POLR3E: variants seen among roughly 807,000 people sequenced by gnomAD.
POLR3E encodes DNA-directed RNA polymerase III subunit RPC5.
Under a neutral mutation model 96.6 loss-of-function variants are expected in POLR3E, and 41 were observed. The ratio of observed to expected loss-of-function variants is 0.42; its 90% CI spans 0.33 to 0.55. POLR3E has a LOEUF of 0.55. POLR3E is among the 20% of genes least tolerant of loss of function. The pLI is 0.06. For synonymous variants in POLR3E, 396 were observed against 383.6 expected, an observed-to-expected ratio of 1.03 and a Z score of -0.38; for missense variants, 849 against 952.1, an observed-to-expected ratio of 0.89 and a Z score of 1.43.
rs2047917532 is a variant in POLR3E, at chr16:22,297,557, T to G, written c.-39+20T>G. 6.6e-6 allele frequency: 1 copy of G among 152,412 alleles called. No individual in the cohort carries two copies. Among genetic ancestry groups the G allele is most frequent in the Non-Finnish European group, 1.5e-5 (1 of 68,190 alleles). The allele number at this position is 152,412 out of a possible 1,614,324, so 9.4% of individuals were successfully genotyped here. ...GGAGAGGTGAGTCCCGTCTTGGCAG[T>G]GCCCGAGCTGGGGCTTGAGCCGGAC... On this transcript the variant is annotated intron_variant, in intron 1 of 20. Coordinates refer to ENST00000299853, the MANE Select transcript of POLR3E (RefSeq NM_018119.4).
intron 19 of POLR3E, chr16:22,331,798 T>C (rs1335520134): frequency 1.3e-5 from 4 of 318,728 alleles, no homozygotes; most frequent in South Asian, 1.1e-4. Flanking sequence ...TCTTTTGTTA[T>C]GCTGGCATAT....
chr16:22,330,281 C>T (rs1387578280), intron 19 of POLR3E, among the ~76,000 whole-genome samples: 1 of 151,954 alleles, frequency 6.6e-6, no homozygotes, highest in Non-Finnish European at 1.5e-5. Flanking sequence ...GGGGTGGTCC[C>T]ACCATGTTGG....
At position 22,299,564 on chromosome 16, in the gene POLR3E, T is replaced by C. The variant is rs1230008728; in HGVS notation, c.-39+2027T>C. Among the ~76,000 whole-genome samples the C allele has an allele frequency of 4.0e-5, 6 of 151,696 alleles. No homozygotes were observed. The East Asian group carries it at 9.7e-4, about 25-fold the overall frequency. ...GAGTAGCTGGGATTACAGGCGTGCA[T>C]CACCACGCCTGGCTAATTTTTGTAT... On this transcript the variant is annotated intron_variant, in intron 1 of 20. Transcript: ENST00000299853.
At chr16:22,316,920 C>A (rs2048367540) in intron 10 of POLR3E, 75 bp from the exon 11 acceptor site, 8 of 1,519,548 alleles carry the variant, frequency 5.3e-6, no homozygotes, top group Non-Finnish European at 7.3e-6. Context: ...CTCCCCAGAC[C>A]CTCACTTGGG....
At chr16:22,325,609 TTC>T in intron 17 of POLR3E, 150 bp from the exon 18 acceptor site, 3 of 918,368 alleles carry the variant, frequency 3.3e-6, no homozygotes, top group Admixed American at 6.1e-5. Context: ...GCTGGGACGG[TTC>T]TCTCTTCCAC....
At chr16:22,298,322 T>G (rs1011196188) in intron 1 of POLR3E, among the ~76,000 whole-genome samples, 2 of 152,242 alleles carry the variant, frequency 1.3e-5, no homozygotes, top group Non-Finnish European at 2.9e-5. Flanking sequence ...GTGACGCTCC[T>G]GCTTGCAGCG....
intron 13 of POLR3E, among the ~76,000 whole-genome samples, chr16:22,320,630 T>C (rs1285557389): frequency 6.6e-6 from 1 of 152,218 alleles, no homozygotes. Flanking sequence ...ATCAATATTC[T>C]TTACTCGCAT....
intron 19 of POLR3E, among the ~76,000 whole-genome samples, chr16:22,329,894 G>C (rs1309417358): frequency 6.6e-6 from 1 of 151,672 alleles, no homozygotes; most frequent in Non-Finnish European, 1.5e-5. Flanking sequence ...CTCCCAAAGT[G>C]CTAGGATCAT....
chr16:22,298,408 A>G (rs930748931), intron 1 of POLR3E, among the ~76,000 whole-genome samples: 2 of 152,174 alleles, frequency 1.3e-5, no homozygotes, highest in African/African-American at 4.8e-5. Context: ...AAACCTTCCC[A>G]GAGGTTACGT....
Position 22,318,097 on chromosome 16 carries a change from G to A in POLR3E, c.866-729G>A, listed in dbSNP as rs1272014503. 2.7e-5 allele frequency among the ~76,000 whole-genome samples: 4 copies of A among 148,570 alleles called. No homozygotes were observed. Among genetic ancestry groups the A allele is most frequent in the Admixed American group, 6.6e-5 (1 of 15,126 alleles). ...AGGCTTCCTTCCTGCAGAGGACTTC[G>A]AACTTTTTTTTTTTTTGAGACAGTC... On this transcript the variant is annotated intron_variant, in intron 12 of 20. Coordinates refer to ENST00000299853, the MANE Select transcript of POLR3E (RefSeq NM_018119.4). The surrounding 1 kb of genome is among the most constrained non-coding windows in gnomAD (Gnocchi z 5.0).
At chr16:22,297,805 A>C (rs1270805461) in intron 1 of POLR3E, among the ~76,000 whole-genome samples, 15 of 152,342 alleles carry the variant, frequency 9.8e-5, no homozygotes, top group Middle Eastern at 3.4e-3. Context: ...GACCTGCCCT[A>C]TCCGGGCCTG....
chr16:22,324,482 G>C, intron 15 of POLR3E, 21 bp from the exon 16 acceptor site: 1 of 1,609,784 alleles, frequency 6.2e-7, no homozygotes, highest in Non-Finnish European at 8.5e-7. Flanking sequence ...TGTGCCTCAC[G>C]CTGGGCCCCC....
intron 19 of POLR3E, 118 bp downstream of exon 19, chr16:22,328,705 A>T: frequency 1.2e-6 from 1 of 802,388 alleles, no homozygotes; most frequent in Non-Finnish European, 2.2e-6. Flanking sequence ...TTTCTGGCAC[A>T]CTCGGTTTTA....
In POLR3E at chr16:22,333,688, A is replaced by G. The variant is rs1347215014; in HGVS notation, c.2115A>G (p.Thr705=). The change falls in exon 21 of 21, where the codon ACA becomes ACG. Residue 705 remains threonine (T), a synonymous_variant. Coordinates refer to ENST00000299853, the MANE Select transcript of POLR3E (RefSeq NM_018119.4). Reference sequence around the variant, plus strand: ...GTGGCATGTGGTACCTTAAAGGGACAGTACAGTCTTGACAATAGTAGCAAA... The same window carrying G: ...GTGGCATGTGGTACCTTAAAGGGACGGTACAGTCTTGACAATAGTAGCAAA... The part of the protein sequence containing the change: ...SYGGMWYLKG[T]VQS 1.9e-6 allele frequency: 3 copies of G among 1,609,324 alleles called. No homozygotes were observed. The highest frequency in any genetic ancestry group is 2.6e-6 in the Non-Finnish European group (3 of 1,175,562).
Position 22,326,624 on chromosome 16 carries a change from G to A in POLR3E, c.1866+346G>A, listed in dbSNP as rs533107344. On this transcript the variant is annotated intron_variant, in intron 18 of 20. Coordinates refer to ENST00000299853, the MANE Select transcript of POLR3E (RefSeq NM_018119.4). Reference sequence around the variant, plus strand: ...TTCCTACTAGCTTTGCCATTGTTTGGAATGATTTAACTTCTAAGATCGTTT... The same window carrying A: ...TTCCTACTAGCTTTGCCATTGTTTGAAATGATTTAACTTCTAAGATCGTTT... 111 of 409,454 alleles carry A rather than the reference G, an allele frequency of 2.7e-4. 2 individuals are homozygous for A. The highest frequency in any genetic ancestry group is 2.1e-3 in the South Asian group (85 of 40,604). 25.4% of individuals were successfully genotyped at this position (409,454 alleles called of 1,614,324 possible). A position where few individuals can be genotyped will look rare whatever the true frequency, so the allele number is the denominator to read the frequency against.
Position 22,305,220 on chromosome 16 carries a change from T to G in POLR3E, c.87+14T>G. ...TATCTATTTCAGGTAATTATGGGAC[T>G]TGAAGGTAAAGAGGGGAGAAGCAGG... On this transcript the variant is annotated intron_variant, in intron 3 of 20. Transcript: ENST00000299853. The G allele has an allele frequency of 6.3e-7, 1 of 1,596,418 alleles. No homozygotes were observed. The highest frequency in any genetic ancestry group is 8.6e-7 in the Non-Finnish European group (1 of 1,164,036).
rs1256881211 is a variant in POLR3E at position 22,335,062 on chromosome 16, T to TA, written c.*1363dup. ...TGATCGTGTATTGATTCTGTTAACA[T>TA]ATGTGAACCTGAAAAGTAAAGTTAC... is the stretch of plus-strand genomic sequence containing the variant. On this transcript the variant is annotated 3_prime_UTR_variant, in exon 21 of 21. Coordinates refer to ENST00000299853, the MANE Select transcript of POLR3E (RefSeq NM_018119.4). 32 of 152,228 alleles carry TA rather than the reference T, an allele frequency of 2.1e-4. No homozygotes were observed. The highest frequency in any genetic ancestry group is 5.9e-4 in the Admixed American group (9 of 15,276). The allele number at this position is 152,228 out of a possible 1,614,324, so 9.4% of individuals were successfully genotyped here.
chr16:22,325,400 C>T, intron 17 of POLR3E, 134 bp downstream of exon 17: 1 of 763,692 alleles, frequency 1.3e-6, no homozygotes, highest in South Asian at 1.6e-5. Context: ...CACCCTCCTT[C>T]CTTTCCTGCC....
intron 3 of POLR3E, chr16:22,305,563 C>T: frequency 2.1e-6 from 1 of 478,470 alleles, no homozygotes; most frequent in Non-Finnish European, 4.1e-6. Flanking sequence ...TAATGCCTGC[C>T]TCATAGGTCC....
Sources: allele counts gnomAD v4.1 joint callset (sites outside exome capture counted in the v4.1 genomes callset), GRCh38; gene constraint gnomAD v4.1.1; non-coding constraint Gnocchi (gnomAD v3.1); transcripts MANE v1.5; gene names NCBI Gene and HGNC (gene_info 2026-07-23, HGNC 2026-07-21).